ALPK2: variants seen among roughly 807,000 people sequenced by gnomAD.
ALPK2 encodes the protein alpha-protein kinase 2.
A neutral mutation model predicts 163.1 loss-of-function variants in ALPK2; 127 were observed. The ratio of observed to expected loss-of-function variants is 0.78; its 90% CI spans 0.67 to 0.90. The LOEUF (loss-of-function observed/expected upper bound fraction) is 0.90, where lower values mean the gene tolerates loss of function less well. Ranked by LOEUF, ALPK2 falls within the 40% of genes least tolerant of loss-of-function variation. The pLI is 0.00. For synonymous variants in ALPK2, 953 were observed against 959.1 expected (o/e 0.99, Z 0.12); for missense variants, 2,360 against 2,589.6 (o/e 0.91, Z 1.92).
At chr18:58,566,695 G>T (rs1271251761) in intron 4 of ALPK2, 5 of 152,164 alleles carry the variant, frequency 3.3e-5, no homozygotes, top group Non-Finnish European at 7.3e-5. Context: ...TTTTGGATTA[G>T]TTACAATAAA....
intron 3 of ALPK2, among the ~76,000 whole-genome samples, chr18:58,602,538 CTG>C (rs1478759991): frequency 6.6e-6 from 1 of 152,152 alleles, no homozygotes; most frequent in Non-Finnish European, 1.5e-5. Context: ...ACCCCAATCT[CTG>C]TCTCTGTCTT....
At chr18:58,573,226 G>GTATATATGTATA (rs1346732511) in intron 4 of ALPK2, among the ~76,000 whole-genome samples, 5 of 139,462 alleles carry the variant, frequency 3.6e-5, no homozygotes, top group African/African-American at 1.4e-4. Flanking sequence ...ATATATATGT[G>GTATATATGTATA]TATATGTGTG....
intron 4 of ALPK2, chr18:58,544,975 C>G (rs2051709868): frequency 6.6e-6 from 1 of 152,186 alleles, no homozygotes; most frequent in African/African-American, 2.4e-5. Context: ...TCTGGGGAAG[C>G]TTTGCTTTCC....
intron 3 of ALPK2, among the ~76,000 whole-genome samples, chr18:58,598,351 G>A (rs2052051470): frequency 6.6e-6 from 1 of 152,242 alleles, no homozygotes. Flanking sequence ...GCATGTGCTT[G>A]GGAGAAGACA....
chr18:58,532,115 G>C (rs1377591072), intron 5 of ALPK2, among the ~76,000 whole-genome samples: 1 of 152,072 alleles, frequency 6.6e-6, no homozygotes, highest in African/African-American at 2.4e-5. Context: ...AATATTCAGT[G>C]CATTCATTAT....
chr18:58,605,330 T>C (rs1014094400), intron 3 of ALPK2, among the ~76,000 whole-genome samples: 2 of 152,268 alleles, frequency 1.3e-5, no homozygotes, highest in African/African-American at 4.8e-5. Context: ...AAATACTTAC[T>C]ATCTGGCCCC....
chr18:58,574,331 C>G (rs1052113466), intron 4 of ALPK2, among the ~76,000 whole-genome samples: 7 of 150,748 alleles, frequency 4.6e-5, no homozygotes, highest in Admixed American at 1.3e-4. Context: ...CACCTGTAAT[C>G]CCAGCTACTC....
At chr18:58,546,118 TAGGATAACACGTA>T (rs141422539) in intron 4 of ALPK2, among the ~76,000 whole-genome samples, 2,885 of 152,292 alleles carry the variant, frequency 0.019, 99 homozygotes, top group African/African-American at 0.064. Context: ...CTTTGAATAT[TAGGATAACACGTA>T]ATAGACTGGA....
At chr18:58,543,368 G>T in intron 4 of ALPK2, 1 of 985,428 alleles carries the variant, frequency 1.0e-6, no homozygotes, top group Non-Finnish European at 1.2e-6. Context: ...CTGTGCACCA[G>T]ACCTCAGGCG....
chr18:58,535,288 C>T lies in ALPK2; in HGVS notation c.4899G>A (p.Glu1633=). 1.2e-6 allele frequency: 2 copies of T among 1,614,148 alleles called. No homozygotes were observed. The highest frequency in any genetic ancestry group is 1.1e-5 in the South Asian group (1 of 91,084). The change falls in exon 5 of 13, where the codon GAG becomes GAA. Residue 1633 remains glutamate (E), a synonymous_variant. Coordinates refer to ENST00000361673, the MANE Select transcript of ALPK2 (RefSeq NM_052947.4). ...ISHKMEEPKI[E]VLQIGETKPP... ...GTTTGGTTTCCCCAATTTGAAGCAC[C>T]TCTATTTTAGGTTCCTCCATTTTGT...
intron 4 of ALPK2, among the ~76,000 whole-genome samples, chr18:58,552,784 A>T (rs1170933577): frequency 6.6e-6 from 1 of 152,168 alleles, no homozygotes; most frequent in East Asian, 1.9e-4. Context: ...AGTGGCCCAG[A>T]TGAAATTATG....
At chr18:58,542,155 C>T (rs79840975) in intron 4 of ALPK2, among the ~76,000 whole-genome samples, 6,624 of 152,248 alleles carry the variant, frequency 0.044, 242 homozygotes, top group Admixed American at 0.11. Flanking sequence ...TAGCAACCAG[C>T]GTTTGTAGCC....
chr18:58,537,772 C>G lies in ALPK2; in HGVS notation c.2415G>C (p.Glu805Asp), dbSNP rs749481964. The G allele has an allele frequency of 6.2e-7, 1 of 1,614,020 alleles. No homozygotes were observed. The highest frequency in any genetic ancestry group is 1.7e-5 in the Admixed American group (1 of 59,996). ...TTCCTTGGTCACCAGCCTCAAAACA[C>G]TCCATTGCACACACTGCTTCTCTGT... is the stretch of plus-strand genomic sequence containing the variant. ...PRDREAVCAM[E>D]CFEAGDQGTC... The change falls in exon 5 of 13, where the codon GAG becomes GAC. Residue 805 changes from glutamate to aspartate, a missense_variant. By Grantham distance (45) the Glu-to-Asp change is conservative (BLOSUM62 2). Coordinates refer to ENST00000361673, the MANE Select transcript of ALPK2 (RefSeq NM_052947.4).
intron 5 of ALPK2, among the ~76,000 whole-genome samples, chr18:58,533,572 T>C (rs915334393): frequency 6.6e-6 from 1 of 151,852 alleles, no homozygotes; most frequent in Non-Finnish European, 1.5e-5. Context: ...TGATTCTCCT[T>C]AGCCGCAGAG....
At chr18:58,530,615 A>G (rs2051608775) in intron 5 of ALPK2, among the ~76,000 whole-genome samples, 1 of 152,204 alleles carries the variant, frequency 6.6e-6, no homozygotes, top group Non-Finnish European at 1.5e-5. Context: ...GTTGTACCGA[A>G]CACAAGGAAA....
chr18:58,483,637 G>A (rs1472497287), intron 12 of ALPK2, among the ~76,000 whole-genome samples: 2 of 151,714 alleles, frequency 1.3e-5, no homozygotes, highest in East Asian at 1.9e-4. Flanking sequence ...TGCAACCTCC[G>A]CTTGCTGGGT....
rs773806462 is a variant in ALPK2 at position 58,535,398 on chromosome 18, T to G, written c.4789A>C (p.Lys1597Gln). 1 of 1,614,206 alleles carries G rather than the reference T, an allele frequency of 6.2e-7. No homozygotes were observed. The highest frequency in any genetic ancestry group is 8.5e-7 in the Non-Finnish European group (1 of 1,180,022). The stretch of plus-strand genomic sequence containing the variant: ...AGATCAGGAGAAGAGGGCAAAGGTT[T>G]CCCACGCTCATTCTCAATAGTTCCC... ...KRGTIENERG[K>Q]PLPSSPDLTR... The change falls in exon 5 of 13, where the codon AAA becomes CAA. Residue 1597 changes from lysine (K) to glutamine (Q), a missense_variant. Physicochemically the swap from Lys to Gln is moderately conservative, Grantham distance 53. Coordinates refer to ENST00000361673, the MANE Select transcript of ALPK2 (RefSeq NM_052947.4).
chr18:58,536,095 T>A lies in ALPK2; in HGVS notation c.4092A>T (p.Gly1364=). Residue 1364 remains glycine, a synonymous_variant, in exon 5 of 13, where the codon GGA becomes GGT. Coordinates refer to ENST00000361673, the MANE Select transcript of ALPK2 (RefSeq NM_052947.4). ...TDSLSAASET[G]GKENVNNVSQ... is the part of the protein sequence containing the mutation. ...TCACATTGTTAACATTTTCCTTCCCTCCAGTTTCAGAAGCCGCTGACAGTG... is the reference window on the plus strand; with the variant it reads ...TCACATTGTTAACATTTTCCTTCCCACCAGTTTCAGAAGCCGCTGACAGTG... 1.9e-6 allele frequency: 3 copies of A among 1,614,156 alleles called. No individual in the cohort carries two copies. Among genetic ancestry groups the A allele is most frequent in the Non-Finnish European group, 2.5e-6 (3 of 1,180,024 alleles).
chr18:58,544,030 C>G (rs532163580), intron 4 of ALPK2, among the ~76,000 whole-genome samples: 3 of 152,330 alleles, frequency 2.0e-5, no homozygotes, highest in African/African-American at 7.2e-5. Context: ...AATTTCTCTA[C>G]TTCCCTACAA....
Sources: gnomAD v4.1 joint callset for allele counts (sites outside exome capture counted in the v4.1 genomes callset) on GRCh38, gnomAD v4.1.1 for gene constraint, MANE v1.5 for transcripts, NCBI Gene and HGNC (gene_info 2026-07-23, HGNC 2026-07-21) for gene names.